The following TXK variants were observed in gnomAD, a reference collection of about 807,000 sequenced individuals.
TXK encodes the protein TXK tyrosine kinase.
A neutral mutation model predicts 81.0 loss-of-function variants in TXK; 60 were observed. The ratio of observed to expected loss-of-function variants is 0.74; its 90% CI spans 0.60 to 0.92. The LOEUF is 0.92. Ranked by LOEUF, TXK falls within the 40% of genes least tolerant of loss-of-function variation. TXK has a pLI of 0.00. For synonymous variants in TXK, 203 were observed against 210.7 expected (o/e 0.96, Z 0.32); for missense variants, 581 against 638.3 (o/e 0.91, Z 0.97).
chr4:48,080,689 C>CACAG lies in TXK; in HGVS notation c.957-562_957-561insCTGT, dbSNP rs1259247111. On this transcript the variant is annotated intron_variant, in intron 10 of 14. Coordinates refer to ENST00000264316, the MANE Select transcript of TXK (RefSeq NM_003328.3). ...ACACACACACACACACACACACACA[C>CACAG]ACACACACACACACAAAGACTTGAA... Among the ~76,000 whole-genome samples the CACAG allele has an allele frequency of 2.0e-5, 3 of 151,908 alleles. No homozygotes were observed. In the East Asian group the frequency reaches 5.8e-4, roughly 29 times the overall value.
chr4:48,071,625 A>G lies in TXK; in HGVS notation c.1407T>C (p.Asn469=). 6.2e-7 allele frequency: 1 copy of G among 1,614,138 alleles called. No individual in the cohort carries two copies. Among genetic ancestry groups the G allele is most frequent in the South Asian group, 1.1e-5 (1 of 91,078 alleles). Residue 469 remains asparagine, a synonymous_variant, in exon 14 of 15, where the codon AAT becomes AAC. Transcript: ENST00000264316. ...VFTEGKMPFE[N]KSNLQVVEAI... is the part of the protein sequence containing the mutation. The stretch of plus-strand genomic sequence containing the variant: ...CTTCCACGACTTGCAAATTTGACTT[A>G]TTTTCAAAAGGCATTTTTCCTTCTG...
chr4:48,078,808 A>G (rs1028133660), intron 11 of TXK, among the ~76,000 whole-genome samples: 2 of 152,256 alleles, frequency 1.3e-5, no homozygotes, highest in African/African-American at 4.8e-5. Context: ...CTTTATATAA[A>G]GTGGAGACTA....
At chr4:48,108,813 A>G (rs1000870189) in intron 5 of TXK, among the ~76,000 whole-genome samples, 4 of 152,192 alleles carry the variant, frequency 2.6e-5, no homozygotes, top group African/African-American at 9.7e-5. Flanking sequence ...CATCCACAGT[A>G]TAAACAGGCT....
In TXK at chr4:48,104,214, ATATATATTATATAT is replaced by A. The variant is rs1343499044; in HGVS notation, c.501+673_501+686del. ...CGAGAGCATGTCTCAAAATATATAT[ATATATATTATATAT>A]TATATTATATATAATATATATTTTA... is the stretch of plus-strand genomic sequence containing the variant. On this transcript the variant is annotated intron_variant, in intron 6 of 14. Transcript: ENST00000264316. Among the ~76,000 whole-genome samples, 168 of 85,158 alleles carry A rather than the reference ATATATATTATATAT, an allele frequency of 2.0e-3. 1 individual carries two copies. The highest frequency in any genetic ancestry group is 2.4e-3 in the South Asian group (9 of 3,688). The allele number at this position is 85,158 out of a possible 152,430, so 55.9% of individuals were successfully genotyped here. A position where few individuals can be genotyped will look rare whatever the true frequency, so the allele number is the denominator to read the frequency against.
At chr4:48,107,611 G>C (rs756733751) in intron 5 of TXK, among the ~76,000 whole-genome samples, 1 of 151,934 alleles carries the variant, frequency 6.6e-6, no homozygotes, top group Admixed American at 6.6e-5. Flanking sequence ...TACATAGGTA[G>C]ATGTGTGCCA....
At position 48,067,671 on chromosome 4, in the gene TXK, A is replaced by G; in HGVS notation, c.1550T>C (p.Leu517Pro). 6.2e-7 allele frequency: 1 copy of G among 1,614,120 alleles called. No homozygotes were observed. Among genetic ancestry groups the G allele is most frequent in the African/African-American group, 1.3e-5 (1 of 75,032 alleles). The change falls in exon 15 of 15, where the codon CTG becomes CCG. Residue 517 changes from leucine (L) to proline (P), a missense_variant. Physicochemically the swap from Leu to Pro is moderately conservative, Grantham distance 98. Transcript: ENST00000264316. ...TTCCGCAATCTCTGTGACAGCCCGC[A>G]GCAGCTCGGCAAATGTAGGGCGGCC... ...PEGRPTFAEL[L>P]RAVTEIAETW
chr4:48,075,508 G>A (rs1717031237), intron 12 of TXK, among the ~76,000 whole-genome samples: 1 of 152,078 alleles, frequency 6.6e-6, no homozygotes, highest in African/African-American at 2.4e-5. Flanking sequence ...AAATTAGCTG[G>A]GCGTGGTGGC....
In TXK at chr4:48,071,565, G is replaced by A. The variant is rs1471766260; in HGVS notation, c.1467C>T (p.His489=). The A allele has an allele frequency of 1.2e-6, 2 of 1,614,180 alleles. No individual in the cohort carries two copies. The highest frequency in any genetic ancestry group is 1.7e-6 in the Non-Finnish European group (2 of 1,180,024). Residue 489 remains histidine, a synonymous_variant, in exon 14 of 15, where the codon CAC becomes CAT. Coordinates refer to ENST00000264316, the MANE Select transcript of TXK (RefSeq NM_003328.3). ...CTTCATATATGGACATTGGTGCCAG[G>A]TGAGGGCGATATAGCCTGAAGCCTT... ...ISEGFRLYRP[H]LAPMSIYEVM... is the part of the protein sequence containing the mutation.
At chr4:48,071,839 T>C (rs562581426) in intron 13 of TXK, among the ~76,000 whole-genome samples, 165 bp from the exon 14 acceptor site, 12 of 152,352 alleles carry the variant, frequency 7.9e-5, no homozygotes, top group African/African-American at 1.9e-4. Context: ...ATGTTCACTT[T>C]AGTTTTCAAA....
intron 1 of TXK, among the ~76,000 whole-genome samples, chr4:48,123,801 T>C (rs1335603157): frequency 6.6e-6 from 1 of 152,196 alleles, no homozygotes. Context: ...TTCAGCCAAC[T>C]GCTCTTCATC....
Position 48,067,392 on chromosome 4 carries a change from CA to C in TXK, c.*244del. On this transcript the variant is annotated 3_prime_UTR_variant, in exon 15 of 15. Transcript: ENST00000264316. The stretch of plus-strand genomic sequence containing the variant: ...CTGCGAAGTCTTTTTCACTTCTTCA[CA>C]TTTGGGATGTGAAATATTTTACAGA... The C allele has an allele frequency of 2.2e-6, 1 of 448,538 alleles. No homozygotes were observed. The highest frequency in any genetic ancestry group is 4.0e-6 in the Non-Finnish European group (1 of 248,942). 27.8% of individuals were successfully genotyped at this position (448,538 alleles called of 1,614,324 possible). A position where few individuals can be genotyped will look rare whatever the true frequency, so the allele number is the denominator to read the frequency against.
At chr4:48,084,408 C>G (rs998743698) in intron 10 of TXK, among the ~76,000 whole-genome samples, 2 of 152,144 alleles carry the variant, frequency 1.3e-5, no homozygotes, top group Non-Finnish European at 2.9e-5. Context: ...AATGCCCCAT[C>G]AGGCTTGTAC....
intron 11 of TXK, among the ~76,000 whole-genome samples, chr4:48,076,948 A>G (rs548765381): frequency 6.6e-6 from 1 of 152,310 alleles, no homozygotes; most frequent in African/African-American, 2.4e-5. Flanking sequence ...GATTAATTCA[A>G]TCTGAAAGAT....
At chr4:48,076,280 T>C (rs1331161954) in intron 12 of TXK, 122 bp downstream of exon 12, 21 of 705,348 alleles carry the variant, frequency 3.0e-5, no homozygotes, top group Middle Eastern at 8.4e-4. Flanking sequence ...CAACCAGGCC[T>C]ACAACCTAGG....
At chr4:48,120,430 C>T (rs1051854057) in intron 1 of TXK, among the ~76,000 whole-genome samples, 5 of 151,116 alleles carry the variant, frequency 3.3e-5, no homozygotes, top group Non-Finnish European at 5.9e-5. Flanking sequence ...ACAAACTACG[C>T]GTGATCTTAT....
In TXK at chr4:48,077,519, G is replaced by GAA. The variant is rs33987400; in HGVS notation, c.1174-1055_1174-1054dup. 7.8e-4 allele frequency among the ~76,000 whole-genome samples: 116 copies of GAA among 148,976 alleles called. 1 individual carries two copies. Among genetic ancestry groups the GAA allele is most frequent in the East Asian group, 1.7e-3 (9 of 5,150 alleles). ...AACACAAAAGAAAATGAGCAAACAA[G>GAA]AAAAAAAAAACAGGAATAGGAGGAC... On this transcript the variant is annotated intron_variant, in intron 11 of 14. Transcript: ENST00000264316.
At chr4:48,107,623 A>T (rs1718497983) in intron 5 of TXK, among the ~76,000 whole-genome samples, 1 of 151,980 alleles carries the variant, frequency 6.6e-6, no homozygotes, top group South Asian at 2.1e-4. Flanking sequence ...TGTGTGCCAC[A>T]GTGGTTTGCT....
intron 1 of TXK, among the ~76,000 whole-genome samples, chr4:48,115,283 G>A (rs767851902): frequency 6.6e-6 from 1 of 152,002 alleles, no homozygotes; most frequent in Non-Finnish European, 1.5e-5. Flanking sequence ...TCCCACTTAT[G>A]AGTGAGAATA....
intron 12 of TXK, among the ~76,000 whole-genome samples, chr4:48,074,780 C>A: frequency 6.6e-6 from 1 of 152,092 alleles, no homozygotes; most frequent in East Asian, 1.9e-4. Context: ...TGCCCCTATA[C>A]TCTCACTTTT....
Sources: allele counts gnomAD v4.1 joint callset (sites outside exome capture counted in the v4.1 genomes callset), GRCh38; gene constraint gnomAD v4.1.1; transcripts MANE v1.5; gene names NCBI Gene and HGNC (gene_info 2026-07-23, HGNC 2026-07-21).